Variants in PTPDC1 observed in about 807,000 individuals in gnomAD.
The protein encoded by PTPDC1 is protein tyrosine phosphatase domain-containing protein 1.
A neutral mutation model predicts 75.3 loss-of-function variants in PTPDC1; 53 were observed. The ratio of observed to expected loss-of-function variants is 0.70; its 90% CI spans 0.56 to 0.88. The LOEUF (loss-of-function observed/expected upper bound fraction) is 0.88. PTPDC1 is among the 40% of genes least tolerant of loss of function. The probability of loss-of-function intolerance (pLI) is 0.00; values close to 1 mark genes in which losing one functional copy is unlikely to be tolerated. For synonymous variants in PTPDC1, 349 were observed against 366.2 expected (o/e 0.95, Z 0.54); for missense variants, 925 against 998.6 (o/e 0.93, Z 0.99).
chr9:94,101,518 C>CTCCCTG, intron 6 of PTPDC1, 48 bp from the exon 7 acceptor site: 1 of 1,466,706 alleles, frequency 6.8e-7, no homozygotes, highest in South Asian at 1.2e-5. Context: ...TCCCTCTCCT[C>CTCCCTG]TCCCTGTCTC....
At chr9:94,076,765 C>T (rs1222578388) in intron 2 of PTPDC1, among the ~76,000 whole-genome samples, 1 of 152,100 alleles carries the variant, frequency 6.6e-6, no homozygotes, top group Non-Finnish European at 1.5e-5. Context: ...GACCATTTTC[C>T]AAAGTGTTTG....
At chr9:94,055,329 C>T (rs886408230) in intron 1 of PTPDC1, among the ~76,000 whole-genome samples, 6 of 152,184 alleles carry the variant, frequency 3.9e-5, no homozygotes, top group African/African-American at 1.4e-4. Context: ...ATATAATCAG[C>T]AGTTGTGCTA....
At chr9:94,105,218 T>C (rs1424240125) in intron 8 of PTPDC1, among the ~76,000 whole-genome samples, 1 of 152,246 alleles carries the variant, frequency 6.6e-6, no homozygotes, top group Non-Finnish European at 1.5e-5. Context: ...ATCTGGATTC[T>C]ATGGCACTAA....
chr9:94,041,133 A>G (rs548054529), intron 1 of PTPDC1, among the ~76,000 whole-genome samples: 1 of 152,192 alleles, frequency 6.6e-6, no homozygotes, highest in Admixed American at 6.5e-5. Flanking sequence ...CAGCCTTATC[A>G]TGCCAGGATG....
intron 1 of PTPDC1, among the ~76,000 whole-genome samples, chr9:94,048,781 ATCTG>A (rs1825695262): frequency 6.6e-6 from 1 of 152,082 alleles, no homozygotes. Context: ...TGTATAGCTG[ATCTG>A]TCTAATGGGG....
At position 94,107,866 on chromosome 9, in the gene PTPDC1, C is replaced by T. The variant is rs1366068066; in HGVS notation, c.2349C>T (p.Asn783=). ...FDSENGPTVY[N]TLKKIFKHTL... Reference sequence around the variant, plus strand: ...CTGAAAATGGACCAACAGTTTACAACACCCTGAAGAAAATATTTAAGCACA... The same window carrying T: ...CTGAAAATGGACCAACAGTTTACAATACCCTGAAGAAAATATTTAAGCACA... Residue 783 remains asparagine (N), a synonymous_variant, in exon 9 of 9, where the codon AAC becomes AAT. Transcript: ENST00000620992. 1 of 1,609,764 alleles carries T rather than the reference C, an allele frequency of 6.2e-7. No individual in the cohort carries two copies. Among genetic ancestry groups the T allele is most frequent in the Non-Finnish European group, 8.5e-7 (1 of 1,178,238 alleles).
chr9:94,075,282 T>C (rs2117924918), intron 2 of PTPDC1, among the ~76,000 whole-genome samples: 1 of 152,278 alleles, frequency 6.6e-6, no homozygotes, highest in Non-Finnish European at 1.5e-5. Context: ...ATGGTCCTTC[T>C]AGACACAGTA....
upstream of PTPDC1, among the ~76,000 whole-genome samples, chr9:94,081,286 A>C (rs1274743980): frequency 3.9e-5 from 6 of 152,290 alleles, no homozygotes; most frequent in East Asian, 1.2e-3. Context: ...CACCATGCCC[A>C]GCCAAGGAAA....
chr9:94,093,469 G>T (rs1276086834), intron 4 of PTPDC1, among the ~76,000 whole-genome samples: 1 of 146,086 alleles, frequency 6.8e-6, no homozygotes, highest in Admixed American at 6.9e-5. Context: ...TAGTCTGATG[G>T]GCTTCCCTTT....
At chr9:94,062,242 T>C (rs1162485393) in intron 1 of PTPDC1, among the ~76,000 whole-genome samples, 1 of 152,170 alleles carries the variant, frequency 6.6e-6, no homozygotes, top group Non-Finnish European at 1.5e-5. Context: ...TGACTGTTGC[T>C]CCAGTTCCCA....
chr9:94,058,532 C>T (rs957894875), intron 1 of PTPDC1, among the ~76,000 whole-genome samples: 1 of 148,932 alleles, frequency 6.7e-6, no homozygotes, highest in Non-Finnish European at 1.5e-5. Flanking sequence ...AATCCCATCT[C>T]TACTGAAAAA....
chr9:94,103,340 C>A (rs960979420), intron 7 of PTPDC1, among the ~76,000 whole-genome samples: 3 of 152,176 alleles, frequency 2.0e-5, no homozygotes, highest in Non-Finnish European at 4.4e-5. Flanking sequence ...TCTCAATACC[C>A]CTTAGAGGTA....
Position 94,037,141 on chromosome 9 carries a change from T to C in PTPDC1, c.-7+6014T>C, listed in dbSNP as rs550688872. 5.3e-5 allele frequency among the ~76,000 whole-genome samples: 8 copies of C among 152,340 alleles called. No individual in the cohort carries two copies. The East Asian group carries it at 1.5e-3, about 29-fold the overall frequency. ...TTTGCAGTCAATCTTAATGTGTTACTTTTATACCTTATAAAGACTAATTCA... is the reference window on the plus strand; with the variant it reads ...TTTGCAGTCAATCTTAATGTGTTACCTTTATACCTTATAAAGACTAATTCA... On this transcript the variant is annotated intron_variant, in intron 1 of 9. Coordinates refer to the PTPDC1 transcript ENST00000375360.
intron 7 of PTPDC1, 131 bp from the exon 8 acceptor site, chr9:94,104,144 G>T: frequency 1.8e-6 from 1 of 551,392 alleles, no homozygotes; most frequent in East Asian, 2.8e-5. Flanking sequence ...TAGATATTTT[G>T]TTAGATATTT....
chr9:94,071,556 C>A (rs972235896), intron 2 of PTPDC1, among the ~76,000 whole-genome samples: 1 of 152,150 alleles, frequency 6.6e-6, no homozygotes, highest in African/African-American at 2.4e-5. Context: ...CAGAACTTTT[C>A]ATCTATCCCA....
chr9:94,057,813 C>T (rs1825993164), intron 1 of PTPDC1, among the ~76,000 whole-genome samples: 1 of 152,108 alleles, frequency 6.6e-6, no homozygotes, highest in African/African-American at 2.4e-5. Flanking sequence ...AAAGGTAATG[C>T]ATATTAGGCA....
intron 1 of PTPDC1, among the ~76,000 whole-genome samples, chr9:94,049,758 C>T (rs1305188786): frequency 6.6e-6 from 1 of 152,156 alleles, no homozygotes; most frequent in African/African-American, 2.4e-5. Flanking sequence ...TGAATGTTGG[C>T]CTGCCTTGCT....
At position 94,088,180 on chromosome 9, in the gene PTPDC1, C is replaced by T; in HGVS notation, c.533C>T (p.Pro178Leu). ...GIKTIINLQRPGEHASCGNPL... is the reference protein window; with the variant it reads ...GIKTIINLQRLGEHASCGNPL... ...AAAACAATAATCAACCTCCAGCGCCCTGGTGAGCATGCTAGCTGTGGGAAC... is the reference window on the plus strand; with the variant it reads ...AAAACAATAATCAACCTCCAGCGCCTTGGTGAGCATGCTAGCTGTGGGAAC... The change falls in exon 4 of 9, where the codon CCT (proline) becomes CTT (leucine). Residue 178 changes from proline (P) to leucine (L), a missense_variant. Pro to Leu is a moderately conservative substitution (Grantham distance 98). Transcript: ENST00000620992. 1 of 1,613,932 alleles carries T rather than the reference C, an allele frequency of 6.2e-7. No homozygotes were observed. The highest frequency in any genetic ancestry group is 8.5e-7 in the Non-Finnish European group (1 of 1,179,936).
intron 4 of PTPDC1, among the ~76,000 whole-genome samples, chr9:94,092,839 T>A (rs1827379395): frequency 1.3e-5 from 2 of 151,410 alleles, no homozygotes; most frequent in Admixed American, 6.6e-5. Flanking sequence ...CATTATGTAA[T>A]GTCCTTCTTT....
Sources: allele counts gnomAD v4.1 joint callset (sites outside exome capture counted in the v4.1 genomes callset), GRCh38; gene constraint gnomAD v4.1.1; transcripts MANE v1.5; gene names NCBI Gene and HGNC (gene_info 2026-07-23, HGNC 2026-07-21).